Variants in SLC16A1 observed in about 807,000 individuals in gnomAD.
SLC16A1 encodes solute carrier family 16 member 1.
In SLC16A1, 11 loss-of-function variants were observed where a neutral mutation model predicts 32.2. The ratio of observed to expected loss-of-function variants is 0.34; its 90% confidence interval spans 0.21 to 0.56. SLC16A1 has a LOEUF of 0.56. SLC16A1 is among the 20% of genes least tolerant of loss of function. The probability of loss-of-function intolerance (pLI) is 0.87; values close to 1 mark genes in which losing one functional copy is unlikely to be tolerated. For synonymous variants in SLC16A1, 231 were observed against 226.8 expected (o/e 1.02, Z -0.17); for missense variants, 435 against 615.0 (o/e 0.71, Z 3.10).
chr1:112,955,785 G>A (rs767392628), intron 1 of SLC16A1: 20 of 152,382 alleles, frequency 1.3e-4, no homozygotes, highest in Non-Finnish European at 2.8e-4. Flanking sequence ...GCCAGGCCTG[G>A]GACCGGCATC....
At chr1:112,925,874 TCA>T (rs1648921478) in intron 2 of SLC16A1, among the ~76,000 whole-genome samples, 1 of 152,224 alleles carries the variant, frequency 6.6e-6, no homozygotes, top group Admixed American at 6.5e-5. Flanking sequence ...GAAAAATACT[TCA>T]GTTACTTATA....
chr1:112,925,322 AC>A (rs1167386477), intron 2 of SLC16A1, among the ~76,000 whole-genome samples: 2 of 151,876 alleles, frequency 1.3e-5, no homozygotes, highest in Non-Finnish European at 2.9e-5. Flanking sequence ...GGTGTAAGCC[AC>A]CATGACTGAC....
At chr1:112,932,890 G>T (rs1005762528) in intron 1 of SLC16A1, among the ~76,000 whole-genome samples, 2 of 151,230 alleles carry the variant, frequency 1.3e-5, no homozygotes, top group African/African-American at 4.9e-5. Context: ...AAACCCTAAG[G>T]AACATCAAAT....
At chr1:112,929,663 T>C (rs1010189525) in intron 1 of SLC16A1, among the ~76,000 whole-genome samples, 3 of 152,134 alleles carry the variant, frequency 2.0e-5, no homozygotes, top group African/African-American at 7.2e-5. Context: ...CTGGGCAACA[T>C]AAGTAGACCC....
intron 1 of SLC16A1, among the ~76,000 whole-genome samples, chr1:112,950,814 T>C (rs573075199): frequency 4.6e-5 from 7 of 152,228 alleles, no homozygotes; most frequent in African/African-American, 7.2e-5. Context: ...CTGGGTAACA[T>C]AGTGAGACCC....
chr1:112,935,220 G>A (rs1649259626), intron 1 of SLC16A1, among the ~76,000 whole-genome samples: 1 of 152,050 alleles, frequency 6.6e-6, no homozygotes, highest in Non-Finnish European at 1.5e-5. Context: ...TTCGAGAACA[G>A]CCTGGCCAAC....
chr1:112,922,234 G>A, intron 2 of SLC16A1, 101 bp from the exon 3 acceptor site: 1 of 1,097,316 alleles, frequency 9.1e-7, no homozygotes, highest in Admixed American at 1.9e-5. Flanking sequence ...AAATAAACAA[G>A]CAGCAATGAT....
intron 1 of SLC16A1, among the ~76,000 whole-genome samples, chr1:112,933,707 ATACATACC>A (rs1308476115): frequency 1.3e-5 from 2 of 152,190 alleles, no homozygotes; most frequent in African/African-American, 4.8e-5. Flanking sequence ...TCACAATCTA[ATACATACC>A]TACTAAAAAT....
intron 1 of SLC16A1, among the ~76,000 whole-genome samples, chr1:112,935,002 A>C: frequency 6.6e-6 from 1 of 152,258 alleles, no homozygotes; most frequent in East Asian, 1.9e-4. Flanking sequence ...AAATGACTAA[A>C]GACATAAAAC....
chr1:112,942,654 T>C (rs775518228), intron 1 of SLC16A1, among the ~76,000 whole-genome samples: 2 of 152,232 alleles, frequency 1.3e-5, no homozygotes, highest in Non-Finnish European at 2.9e-5. Flanking sequence ...GCTTTCTATT[T>C]GCAACTTCAA....
intron 1 of SLC16A1, among the ~76,000 whole-genome samples, chr1:112,933,576 C>T (rs1649208702): frequency 6.7e-6 from 1 of 149,914 alleles, no homozygotes; most frequent in Non-Finnish European, 1.5e-5. Flanking sequence ...AAAGGCAAAT[C>T]ACCCAGCTTA....
intron 1 of SLC16A1, among the ~76,000 whole-genome samples, chr1:112,940,785 C>A (rs1649480680): frequency 6.6e-6 from 1 of 152,004 alleles, no homozygotes; most frequent in Non-Finnish European, 1.5e-5. Context: ...TCAAGGATGT[C>A]AAATTTACTA....
chr1:112,945,902 G>A (rs1047195199), intron 1 of SLC16A1, among the ~76,000 whole-genome samples: 5 of 151,986 alleles, frequency 3.3e-5, no homozygotes, highest in African/African-American at 9.7e-5. Flanking sequence ...TGAGGCAGGA[G>A]AATCACGTGA....
At chr1:112,931,623 C>T (rs112002386) in intron 1 of SLC16A1, among the ~76,000 whole-genome samples, 4,264 of 118,384 alleles carry the variant, frequency 0.036, 233 homozygotes, top group African/African-American at 0.13. Flanking sequence ...CCAGTCTGGG[C>T]GACAGAGTAA....
chr1:112,934,388 A>C (rs1649229855), intron 1 of SLC16A1, among the ~76,000 whole-genome samples: 1 of 152,228 alleles, frequency 6.6e-6, no homozygotes, highest in East Asian at 1.9e-4. Context: ...ATCAGTGGCT[A>C]CCAGGGGTTG....
At chr1:112,921,868 T>A in intron 3 of SLC16A1, 122 bp downstream of exon 3, 1 of 1,214,682 alleles carries the variant, frequency 8.2e-7, no homozygotes, top group East Asian at 2.4e-5. Flanking sequence ...TTCTTCAAAA[T>A]GATAATCAAG....
Position 112,917,117 on chromosome 1 carries a change from C to T in SLC16A1, c.1228+61G>A. 1 of 1,607,444 alleles carries T rather than the reference C, an allele frequency of 6.2e-7. No homozygotes were observed. Among genetic ancestry groups the T allele is most frequent in the Non-Finnish European group, 8.5e-7 (1 of 1,174,954 alleles). ...CTCACTAATGTTTGCTTTCTGTCAG[C>T]ATTCCCATCTTACATGCTTGTTTTG... On this transcript the variant is annotated intron_variant, in intron 4 of 4. Coordinates refer to ENST00000369626, the MANE Select transcript of SLC16A1 (RefSeq NM_003051.4). The surrounding 1 kb of genome is among the most constrained non-coding windows in gnomAD (Gnocchi z 4.1).
At chr1:112,948,241 A>G (rs1649770595) in intron 1 of SLC16A1, among the ~76,000 whole-genome samples, 4 of 152,154 alleles carry the variant, frequency 2.6e-5, no homozygotes. Flanking sequence ...GGGGAGAAAA[A>G]AAAAAGAGAA....
intron 1 of SLC16A1, among the ~76,000 whole-genome samples, chr1:112,941,846 C>T (rs1649522941): frequency 6.6e-6 from 1 of 152,168 alleles, no homozygotes; most frequent in East Asian, 1.9e-4. Context: ...TGTAAGATCT[C>T]AGGGCCCTTT....
Sources: gnomAD v4.1 joint callset for allele counts (sites outside exome capture counted in the v4.1 genomes callset) on GRCh38, gnomAD v4.1.1 for gene constraint, Gnocchi (gnomAD v3.1) non-coding constraint, MANE v1.5 for transcripts, NCBI Gene and HGNC (gene_info 2026-07-23, HGNC 2026-07-21) for gene names.